Variants in TRMT44 observed in about 807,000 individuals in gnomAD.
TRMT44 encodes tRNA methyltransferase 44 homolog.
Under a neutral mutation model 77.3 loss-of-function variants are expected in TRMT44, and 78 were observed. The observed-to-expected ratio is 1.01, with a 90% CI of 0.84 to 1.22. The LOEUF (loss-of-function observed/expected upper bound fraction) is 1.22, where lower values mean the gene tolerates loss of function less well. Ranked by LOEUF, TRMT44 falls within the 50% of genes most tolerant of loss-of-function variation. The probability of loss-of-function intolerance (pLI) is 0.00; values close to 1 mark genes in which losing one functional copy is unlikely to be tolerated. For synonymous variants in TRMT44, 391 were observed against 383.3 expected (o/e 1.02, Z -0.23); for missense variants, 1,090 against 964.4 (o/e 1.13, Z -1.73).
the TRMT44 span, among the ~76,000 whole-genome samples, chr4:8,505,125 G>C: frequency 2.0e-4 from 30 of 152,334 alleles, no homozygotes; most frequent in Non-Finnish European, 3.8e-4. Context: ...GGCCCTGGCA[G>C]CCTCTCTAGG....
chr4:8,474,528 CAG>C (rs1194820245), intron 10 of TRMT44, among the ~76,000 whole-genome samples: 1 of 152,216 alleles, frequency 6.6e-6, no homozygotes, highest in African/African-American at 2.4e-5. Flanking sequence ...TCTCTAGTTT[CAG>C]GGGAAACTGT....
chr4:8,450,021 A>C (rs189786402), intron 3 of TRMT44, 133 bp downstream of exon 3: 2 of 570,298 alleles, frequency 3.5e-6, no homozygotes, highest in South Asian at 2.2e-5. Flanking sequence ...GGCCAGAGTG[A>C]AGTGGTGTGA....
At position 8,441,354 on chromosome 4, in the gene TRMT44, G is replaced by A; in HGVS notation, c.532G>A (p.Glu178Lys). 1.3e-6 allele frequency: 2 copies of A among 1,535,068 alleles called. No individual in the cohort carries two copies. Among genetic ancestry groups the A allele is most frequent in the Non-Finnish European group, 1.7e-6 (2 of 1,146,340 alleles). ...GGGATCGCAGCCAGAGGCGCAGCGT[G>A]AGCTCGACGTGGTTCTCAGAACCGT... ...GAGSQPEAQRELDVVLRTVIP... is the reference protein window; with the variant it reads ...GAGSQPEAQRKLDVVLRTVIP... The change falls in exon 1 of 11, where the codon GAG becomes AAG. Residue 178 changes from glutamate (E) to lysine (K), a missense_variant. By Grantham distance (56) the Glu-to-Lys change is moderately conservative. Coordinates refer to ENST00000389737, the MANE Select transcript of TRMT44 (RefSeq NM_152544.3).
Position 8,441,016 on chromosome 4 carries a change from C to T in TRMT44, c.194C>T (p.Ser65Leu), listed in dbSNP as rs771312952. 5.3e-6 allele frequency: 8 copies of T among 1,513,380 alleles called. No individual in the cohort carries two copies. Among genetic ancestry groups the T allele is most frequent in the South Asian group, 1.2e-5 (1 of 80,646 alleles). The allele number at this position is 1,513,380 out of a possible 1,614,324, so 93.7% of individuals were successfully genotyped here. ...EARGPGTSAG[S>L]EQKERGPGPG... ...CGCGGCCCCGGGACTAGCGCAGGCTCGGAGCAGAAGGAGCGGGGTCCGGGA... is the reference window on the plus strand; with the variant it reads ...CGCGGCCCCGGGACTAGCGCAGGCTTGGAGCAGAAGGAGCGGGGTCCGGGA... Residue 65 changes from serine (S) to leucine (L), a missense_variant, in exon 1 of 11, where the codon TCG (serine) becomes TTG (leucine). Transcript: ENST00000389737.
At chr4:8,468,795 A>G (rs1726783917) in intron 9 of TRMT44, among the ~76,000 whole-genome samples, 1 of 152,234 alleles carries the variant, frequency 6.6e-6, no homozygotes, top group Admixed American at 6.5e-5. Context: ...AGAAAATTAC[A>G]TCGATTGTTC....
the TRMT44 span, among the ~76,000 whole-genome samples, chr4:8,502,552 G>A: frequency 2.0e-5 from 3 of 152,208 alleles, no homozygotes; most frequent in Non-Finnish European, 4.4e-5. Flanking sequence ...GGCTCAGCTG[G>A]GGCAGGCTCT....
Position 8,451,614 on chromosome 4 carries a change from A to G in TRMT44, c.955-346A>G, listed in dbSNP as rs141395949. Among the ~76,000 whole-genome samples the G allele has an allele frequency of 1.5e-3, 229 of 151,786 alleles. No homozygotes were observed. The highest frequency in any genetic ancestry group is 2.7e-3 in the Non-Finnish European group (186 of 67,942). ...TCGCGGCTCTCCCTGCCCTAGTTTC[A>G]CTCCCACGCCTAGTTTCCTTGTTTG... On this transcript the variant is annotated intron_variant, in intron 3 of 10. Transcript: ENST00000389737. This position sits in a 1 kb window ranked among gnomAD's most constrained non-coding sequence, Gnocchi z 4.1.
At chr4:8,497,923 G>C (rs556201374), downstream of TRMT44, among the ~76,000 whole-genome samples, 4 of 151,380 alleles carry the variant, frequency 2.6e-5, no homozygotes, top group Admixed American at 1.3e-4. Context: ...GGGCTGGCGT[G>C]GGGGGGGCTG....
At chr4:8,493,196 T>G (rs1304473163) in intron 2 of TRMT44, 2 of 152,104 alleles carry the variant, frequency 1.3e-5, no homozygotes, top group East Asian at 3.8e-4. Context: ...CAGCTGGAGG[T>G]GGCGGGATTC....
At chr4:8,474,645 G>T (rs1727246748) in intron 10 of TRMT44, among the ~76,000 whole-genome samples, 1 of 152,222 alleles carries the variant, frequency 6.6e-6, no homozygotes, top group Admixed American at 6.5e-5. Context: ...GTTCTCTTTG[G>T]AAGTCGGTGA....
chr4:8,469,793 A>T (rs1726859612), intron 9 of TRMT44, among the ~76,000 whole-genome samples: 1 of 152,242 alleles, frequency 6.6e-6, no homozygotes, highest in South Asian at 2.1e-4. Context: ...TCCCGCCCAC[A>T]GGCGGCCTTC....
chr4:8,490,528 C>T (rs554581260), intron 2 of TRMT44, among the ~76,000 whole-genome samples: 8 of 149,604 alleles, frequency 5.3e-5, no homozygotes, highest in South Asian at 2.1e-4. Context: ...GGAGTGAAGC[C>T]GCAGACCTTC....
rs1317565353 is a variant in TRMT44, at chr4:8,452,296, C to T, written c.1023+268C>T. On this transcript the variant is annotated intron_variant, in intron 4 of 10. Transcript: ENST00000389737. The surrounding 1 kb of genome is among the most constrained non-coding windows in gnomAD (Gnocchi z 5.7). Reference sequence around the variant, plus strand: ...CACTCAGCAGTCATCGTGGAGGCACCGGCTGGCACAGGGAAGCACTGAGGA... The same window carrying T: ...CACTCAGCAGTCATCGTGGAGGCACTGGCTGGCACAGGGAAGCACTGAGGA... Among the ~76,000 whole-genome samples, 1 of 152,202 alleles carries T rather than the reference C, an allele frequency of 6.6e-6. No homozygotes were observed. The highest frequency in any genetic ancestry group is 2.4e-5 in the African/African-American group (1 of 41,460).
chr4:8,487,622 AGGTCGGGGCGT>A lies in TRMT44; in HGVS notation n.3892-5641_3892-5631del, dbSNP rs550796664. ...TAAGGGATTGGGGTACAGAGATAAGAGGTCGGGGCGTGGAAATAAGGGATTGGGGGTTCTTG... is the reference window on the plus strand; with the variant it reads ...TAAGGGATTGGGGTACAGAGATAAGAGGAAATAAGGGATTGGGGGTTCTTG... On this transcript the variant is annotated intron_variant and non_coding_transcript_variant, in intron 2 of 2. Coordinates refer to the TRMT44 transcript ENST00000511366. 2.0e-3 allele frequency among the ~76,000 whole-genome samples: 309 copies of A among 151,732 alleles called. 1 individual carries two copies. Among genetic ancestry groups the A allele is most frequent in the South Asian group, 6.1e-3 (29 of 4,788 alleles).
chr4:8,465,080 A>G (rs930173686), intron 7 of TRMT44, among the ~76,000 whole-genome samples: 2 of 152,134 alleles, frequency 1.3e-5, no homozygotes, highest in Non-Finnish European at 2.9e-5. Flanking sequence ...GGAGTGAGGG[A>G]GAGGGCAGAG....
At chr4:8,449,348 G>A (rs1725276185) in intron 2 of TRMT44, among the ~76,000 whole-genome samples, 1 of 152,240 alleles carries the variant, frequency 6.6e-6, no homozygotes, top group African/African-American at 2.4e-5. Context: ...AGAAATGTTA[G>A]GAAAATCCTT....
At chr4:8,476,584 A>C (rs1727403863), downstream of TRMT44, 1 of 153,614 alleles carries the variant, frequency 6.5e-6, no homozygotes, top group Non-Finnish European at 1.4e-5. Flanking sequence ...GCATGAAAAA[A>C]AAATCCTAAG....
chr4:8,484,369 A>C (rs187065731), intron 2 of TRMT44, among the ~76,000 whole-genome samples: 8 of 152,302 alleles, frequency 5.3e-5, no homozygotes, highest in East Asian at 1.9e-4. Flanking sequence ...GGAGAGCAGA[A>C]AGTATATGCG....
chr4:8,494,086 C>T (rs559326227), downstream of TRMT44, among the ~76,000 whole-genome samples: 101 of 150,962 alleles, frequency 6.7e-4, no homozygotes, highest in African/African-American at 2.3e-3. Flanking sequence ...GGTGATGGGA[C>T]GCACAAAGTG....
Sources: allele counts gnomAD v4.1 joint callset (sites outside exome capture counted in the v4.1 genomes callset), GRCh38; gene constraint gnomAD v4.1.1; non-coding constraint Gnocchi (gnomAD v3.1); transcripts MANE v1.5; gene names NCBI Gene and HGNC (gene_info 2026-07-23, HGNC 2026-07-21).